The following SYNE1 variants were observed in gnomAD, a reference collection of about 807,000 sequenced individuals.
The protein encoded by SYNE1 is nesprin-1.
Under a neutral mutation model 1,111.0 loss-of-function variants are expected in SYNE1, and 616 were observed. That is an observed-to-expected ratio of 0.55 (90% CI 0.52 to 0.59). SYNE1 has a LOEUF of 0.59. Among genes scored for constraint, SYNE1 ranks in the 20% least tolerant of loss-of-function variants. SYNE1 has a pLI of 0.00. For synonymous variants in SYNE1, 3,855 were observed against 3,825.8 expected (o/e 1.01, Z -0.28); for missense variants, 10,006 against 10,417.0 (o/e 0.96, Z 1.72).
intron 115 of SYNE1, among the ~76,000 whole-genome samples, chr6:152,228,051 A>T (rs749555577): frequency 2.2e-4 from 34 of 152,176 alleles, no homozygotes; most frequent in Admixed American, 2.6e-4. Context: ...AATACTCAAG[A>T]TTTTTAAAAC....
intron 3 of SYNE1, among the ~76,000 whole-genome samples, chr6:152,620,787 T>A (rs2099673757): frequency 6.6e-6 from 1 of 152,210 alleles, no homozygotes; most frequent in Non-Finnish European, 1.5e-5. Context: ...ATTTATATTA[T>A]ATGCACTTAA....
At chr6:152,542,739 T>C (rs1392324733) in intron 3 of SYNE1, among the ~76,000 whole-genome samples, 1 of 152,090 alleles carries the variant, frequency 6.6e-6, no homozygotes, top group Non-Finnish European at 1.5e-5. Flanking sequence ...TCATGAAAAT[T>C]ATAAATTTAT....
chr6:152,139,863 G>A, intron 140 of SYNE1, 87 bp downstream of exon 140: 2 of 1,410,856 alleles, frequency 1.4e-6, no homozygotes, highest in South Asian at 2.4e-5. Context: ...CTGTGTAAGA[G>A]CAGCTCGAAC....
chr6:152,352,056 C>G lies in SYNE1; in HGVS notation c.11551G>C (p.Glu3851Gln). The G allele has an allele frequency of 1.2e-6, 2 of 1,614,074 alleles. No homozygotes were observed. The highest frequency in any genetic ancestry group is 1.7e-6 in the Non-Finnish European group (2 of 1,180,024). Reference sequence around the variant, plus strand: ...TATTTAGATAACTGAGCTTTTTTCTCATATAATTCCATTTTGGGTTCTTCA... The same window carrying G: ...TATTTAGATAACTGAGCTTTTTTCTGATATAATTCCATTTTGGGTTCTTCA... ...VPEEPKMELYEKKAQLSKYKS... is the reference protein window; with the variant it reads ...VPEEPKMELYQKKAQLSKYKS... Residue 3851 changes from glutamate to glutamine, a missense_variant, in exon 70 of 146, where the codon GAG (glutamate) becomes CAG (glutamine). Glu to Gln is a conservative substitution (Grantham distance 29). Transcript: ENST00000367255.
chr6:152,484,269 T>C (rs2098927810), intron 13 of SYNE1, among the ~76,000 whole-genome samples: 1 of 152,060 alleles, frequency 6.6e-6, no homozygotes, highest in Non-Finnish European at 1.5e-5. Flanking sequence ...AATATTCTTA[T>C]TAGTGATAGA....
At chr6:152,456,623 T>G (rs1264350985) in intron 22 of SYNE1, 1 of 369,318 alleles carries the variant, frequency 2.7e-6, no homozygotes, top group Non-Finnish European at 5.3e-6. Flanking sequence ...GGGGAAGACT[T>G]GCAACTGCTG....
At chr6:152,574,875 G>C (rs1008749986) in intron 3 of SYNE1, among the ~76,000 whole-genome samples, 3 of 151,950 alleles carry the variant, frequency 2.0e-5, no homozygotes, top group Non-Finnish European at 4.4e-5. Context: ...TTCACTCTTA[G>C]CTGTTTTTGG....
At chr6:152,322,267 T>A (rs1179532723) in intron 82 of SYNE1, among the ~76,000 whole-genome samples, 7 of 152,130 alleles carry the variant, frequency 4.6e-5, no homozygotes. Flanking sequence ...AAGAAAAAAA[T>A]CAAGCTTTGG....
intron 31 of SYNE1, 145 bp from the exon 32 acceptor site, chr6:152,441,415 T>A: frequency 1.2e-6 from 1 of 858,220 alleles, no homozygotes; most frequent in Non-Finnish European, 1.8e-6. Flanking sequence ...GATTCTAGTA[T>A]CTTCTGTAAG....
chr6:152,353,562 A>G (rs369431662), intron 68 of SYNE1, 27 bp downstream of exon 68: 1 of 1,614,150 alleles, frequency 6.2e-7, no homozygotes, highest in Non-Finnish European at 8.5e-7. Flanking sequence ...TTGCTGGTCT[A>G]TGCTGAGCAC....
At chr6:152,134,984 G>T in intron 142 of SYNE1, 120 bp downstream of exon 142, 1 of 1,366,160 alleles carries the variant, frequency 7.3e-7, no homozygotes, top group Non-Finnish European at 1.0e-6. Flanking sequence ...GTAAAGTAGA[G>T]ACTATAATGC....
rs1446844645 is a variant in SYNE1 at position 152,338,078 on chromosome 6, G to A, written c.12352-1061C>T. ...CACAAGAATTGCTTGAATGTGGGAGGCGGAGGTTGCAGTGAGCCAAAATTG... is the reference window on the plus strand; with the variant it reads ...CACAAGAATTGCTTGAATGTGGGAGACGGAGGTTGCAGTGAGCCAAAATTG... On this transcript the variant is annotated intron_variant, in intron 75 of 145. Transcript: ENST00000367255. Among the ~76,000 whole-genome samples the A allele has an allele frequency of 3.9e-5, 6 of 152,036 alleles. No individual in the cohort carries two copies. The East Asian group carries it at 1.2e-3, about 29-fold the overall frequency.
Position 152,293,695 on chromosome 6 carries a change from G to A in SYNE1, c.17905C>T (p.Gln5969Ter), listed in dbSNP as rs967105970. ...YEALERQQKY[Q>*]DSLQSISTKM... The stretch of plus-strand genomic sequence containing the variant: ...GTAGAGATGGACTGGAGGGAGTCCT[G>A]GTACTTCTGCTGGCGTTCCAAAGCT... Residue 5969 changes from glutamine to a stop codon, truncating the protein, a stop_gained, in exon 95 of 146, where the codon CAG (glutamine) becomes TAG (stop). Transcript: ENST00000367255. LOFTEE classifies it high-confidence loss of function. The A allele has an allele frequency of 1.2e-5, 19 of 1,613,968 alleles. No individual in the cohort carries two copies.
At chr6:152,207,895 T>C (rs576101622) in intron 125 of SYNE1, 77 bp downstream of exon 125, 10 of 1,462,086 alleles carry the variant, frequency 6.8e-6, no homozygotes, top group Admixed American at 3.4e-5. Context: ...TAGAGTCCTT[T>C]TGAAAAACCG....
At chr6:152,347,707 G>A (rs1421487802) in intron 72 of SYNE1, among the ~76,000 whole-genome samples, 1 of 144,316 alleles carries the variant, frequency 6.9e-6, no homozygotes, top group Admixed American at 7.0e-5. Flanking sequence ...TTAAGACAGA[G>A]TGTCACTCTG....
chr6:152,298,614 C>G lies in SYNE1; in HGVS notation c.17682+2027G>C, dbSNP rs1178851874. ...TATAAAGCAGTTCTATTTGGCTGCT[C>G]CCTGAAACAGCTGTACACATTCTGT... On this transcript the variant is annotated intron_variant, in intron 93 of 145. Transcript: ENST00000367255. 2.0e-5 allele frequency among the ~76,000 whole-genome samples: 3 copies of G among 151,806 alleles called. No homozygotes were observed. In the East Asian group the frequency reaches 5.8e-4, roughly 29 times the overall value.
chr6:152,207,781 G>A (rs2153407396), intron 125 of SYNE1, among the ~76,000 whole-genome samples, 191 bp downstream of exon 125: 1 of 152,324 alleles, frequency 6.6e-6, no homozygotes, highest in Non-Finnish European at 1.5e-5. Context: ...AGAGGCTGGG[G>A]CTTACTATCA....
At position 152,388,253 on chromosome 6, in the gene SYNE1, CT is replaced by C. The variant is rs71556256; in HGVS notation, c.8178-873del. The stretch of plus-strand genomic sequence containing the variant: ...TAATTTTCTAAAAAGCACCCCCCGC[CT>C]TTTTTTTTTTTGACAGGGTCTTACT... On this transcript the variant is annotated intron_variant, in intron 53 of 145. Transcript: ENST00000367255. Among the ~76,000 whole-genome samples, 325 of 144,100 alleles carry C rather than the reference CT, an allele frequency of 2.3e-3. 1 individual carries two copies. The highest frequency in any genetic ancestry group is 3.7e-3 in the African/African-American group (147 of 39,748). The allele number at this position is 144,100 out of a possible 152,430, so 94.5% of individuals were successfully genotyped here.
chr6:152,488,465 C>T lies in SYNE1; in HGVS notation c.978G>A (p.Trp326Ter). The T allele has an allele frequency of 6.2e-7, 1 of 1,608,422 alleles. No individual in the cohort carries two copies. The highest frequency in any genetic ancestry group is 8.5e-7 in the Non-Finnish European group (1 of 1,176,422). Reference protein sequence around the residue: ...DRVIFKEMKVWIEQFERDLTR... With the variant: ...DRVIFKEMKV ...TCAAATCTCTCTCAAATTGTTCTAT[C>T]CAAACTTTCATTTCCTTAAAAATTA... The change falls in exon 12 of 146, where the codon TGG (tryptophan) becomes TGA (stop). Residue 326 changes from tryptophan (W) to a stop codon, truncating the protein, a stop_gained. Transcript: ENST00000367255. LOFTEE classifies it high-confidence loss of function.
Sources: allele counts gnomAD v4.1 joint callset (sites outside exome capture counted in the v4.1 genomes callset), GRCh38; gene constraint gnomAD v4.1.1; transcripts MANE v1.5; gene names NCBI Gene and HGNC (gene_info 2026-07-23, HGNC 2026-07-21).